Variants in PCDH9 observed in about 807,000 individuals in gnomAD.
PCDH9 encodes the protein protocadherin-9.
PCDH9 carries 24 observed loss-of-function variants against 70.6 expected under a neutral mutation model. The ratio of observed to expected loss-of-function variants is 0.34; its 90% CI spans 0.25 to 0.48. The LOEUF (loss-of-function observed/expected upper bound fraction) is 0.48, where lower values mean the gene tolerates loss of function less well. Ranked by LOEUF, PCDH9 falls within the 20% of genes least tolerant of loss-of-function variation. PCDH9 has a pLI of 0.99. For missense variants in PCDH9, 1,281 were observed against 1,503.6 expected (o/e 0.85, Z 2.45); for synonymous variants, 562 against 558.5 (o/e 1.01, Z -0.09).
chr13:67,034,695 G>C (rs1463282587), intron 2 of PCDH9, among the ~76,000 whole-genome samples: 1 of 144,462 alleles, frequency 6.9e-6, no homozygotes, highest in African/African-American at 2.6e-5. Context: ...TTAACTTTTA[G>C]TTCCAGGGGT....
intron 3 of PCDH9, among the ~76,000 whole-genome samples, chr13:66,791,673 T>G (rs1199549467): frequency 1.3e-5 from 2 of 152,180 alleles, no homozygotes; most frequent in Non-Finnish European, 2.9e-5. Flanking sequence ...TGCTTATGTA[T>G]GTATTATGTA....
At chr13:66,335,338 GCT>G in intron 4 of PCDH9, among the ~76,000 whole-genome samples, 1 of 152,094 alleles carries the variant, frequency 6.6e-6, no homozygotes, top group Non-Finnish European at 1.5e-5. Flanking sequence ...AATCGAGCTT[GCT>G]CTGACATTTT....
intron 4 of PCDH9, among the ~76,000 whole-genome samples, chr13:66,618,998 T>C (rs536950752): frequency 7.9e-5 from 12 of 152,306 alleles, no homozygotes; most frequent in Non-Finnish European, 1.5e-4. Flanking sequence ...CATGATAAAA[T>C]ATTACTAACT....
intron 2 of PCDH9, among the ~76,000 whole-genome samples, chr13:67,013,780 T>C (rs1226791884): frequency 6.6e-6 from 1 of 151,938 alleles, no homozygotes; most frequent in African/African-American, 2.4e-5. Context: ...AAAACAATTC[T>C]ATATTTGAGA....
At chr13:67,060,956 C>G (rs1483355034) in intron 2 of PCDH9, among the ~76,000 whole-genome samples, 1 of 151,974 alleles carries the variant, frequency 6.6e-6, no homozygotes, top group Non-Finnish European at 1.5e-5. Flanking sequence ...CAAATAAATT[C>G]TGGTTTGTCC....
At chr13:67,155,238 A>T (rs2087780991) in intron 2 of PCDH9, among the ~76,000 whole-genome samples, 1 of 152,248 alleles carries the variant, frequency 6.6e-6, no homozygotes, top group Non-Finnish European at 1.5e-5. Context: ...TTATTCCAGT[A>T]TCATTTCCAA....
Position 66,302,949 on chromosome 13 carries a change from C to A in PCDH9, c.*1706G>T, listed in dbSNP as rs1955392064. The A allele has an allele frequency of 6.6e-6, 1 of 152,320 alleles. No homozygotes were observed. Among genetic ancestry groups the A allele is most frequent in the South Asian group, 2.1e-4 (1 of 4,804 alleles). The allele number at this position is 152,320 out of a possible 1,614,324, so 9.4% of individuals were successfully genotyped here. A position where few individuals can be genotyped will look rare whatever the true frequency, so the allele number is the denominator to read the frequency against. ...TTATTCTGTCAAAGTCATCAAACAC[C>A]CCTCACAAACCGACAAAAATGTACT... On this transcript the variant is annotated 3_prime_UTR_variant, in exon 5 of 5. Transcript: ENST00000377865.
At chr13:66,472,126 C>A (rs565915786) in intron 4 of PCDH9, among the ~76,000 whole-genome samples, 1 of 149,594 alleles carries the variant, frequency 6.7e-6, no homozygotes, top group Non-Finnish European at 1.5e-5. Context: ...GCAAAAGAAT[C>A]GCTTGAACCT....
chr13:66,682,122 A>T (rs2078330828), intron 3 of PCDH9, among the ~76,000 whole-genome samples: 1 of 151,734 alleles, frequency 6.6e-6, no homozygotes, highest in African/African-American at 2.4e-5. Context: ...TGTTCCACAG[A>T]TTCATTTTTC....
chr13:67,078,946 A>C (rs975126574), intron 2 of PCDH9, among the ~76,000 whole-genome samples: 7 of 152,176 alleles, frequency 4.6e-5, no homozygotes, highest in African/African-American at 1.7e-4. Context: ...CCTAGTCTAC[A>C]AATCAGAAAC....
intron 4 of PCDH9, among the ~76,000 whole-genome samples, chr13:66,431,578 G>A (rs1297698255): frequency 1.3e-5 from 2 of 151,914 alleles, no homozygotes; most frequent in Non-Finnish European, 2.9e-5. Flanking sequence ...CATTTTTAAG[G>A]ATTTTACAAT....
chr13:66,490,326 T>C (rs977296157), intron 4 of PCDH9, among the ~76,000 whole-genome samples: 32 of 152,212 alleles, frequency 2.1e-4, no homozygotes, highest in African/African-American at 7.7e-4. Context: ...CCATTAATGC[T>C]TTCTCTGTAG....
intron 4 of PCDH9, among the ~76,000 whole-genome samples, chr13:66,603,557 T>C (rs1210095160): frequency 1.3e-5 from 2 of 152,034 alleles, no homozygotes; most frequent in Admixed American, 6.6e-5. Context: ...AAGTTATACA[T>C]TGACATTCAT....
intron 4 of PCDH9, among the ~76,000 whole-genome samples, chr13:66,428,392 G>A (rs945822009): frequency 6.6e-6 from 1 of 151,628 alleles, no homozygotes; most frequent in African/African-American, 2.4e-5. Context: ...CTATCCACTT[G>A]ATTTATAGCC....
At chr13:66,970,036 T>C (rs951591337) in intron 2 of PCDH9, among the ~76,000 whole-genome samples, 2 of 151,996 alleles carry the variant, frequency 1.3e-5, no homozygotes, top group Non-Finnish European at 2.9e-5. Context: ...TTAATGCAAT[T>C]ATAAATACAC....
chr13:67,048,899 T>G (rs2085272134), intron 2 of PCDH9, among the ~76,000 whole-genome samples: 1 of 152,136 alleles, frequency 6.6e-6, no homozygotes, highest in African/African-American at 2.4e-5. Flanking sequence ...CCAGGACAGC[T>G]TGAGTTAAAA....
At chr13:66,987,621 C>T (rs774363663) in intron 2 of PCDH9, among the ~76,000 whole-genome samples, 1 of 151,918 alleles carries the variant, frequency 6.6e-6, no homozygotes, top group Non-Finnish European at 1.5e-5. Context: ...GTTAGGTAGA[C>T]TCTATATTAT....
chr13:66,986,603 C>T (rs2083896594), intron 2 of PCDH9, among the ~76,000 whole-genome samples: 2 of 151,654 alleles, frequency 1.3e-5, no homozygotes, highest in South Asian at 4.2e-4. Context: ...ATAGATATAG[C>T]TACTTGTTTT....
chr13:66,797,494 TATA>T (rs1191336770), intron 3 of PCDH9, among the ~76,000 whole-genome samples: 1 of 152,182 alleles, frequency 6.6e-6, no homozygotes, highest in Non-Finnish European at 1.5e-5. Context: ...GTCCTAACCC[TATA>T]ATAACAAACT....
Sources: gnomAD v4.1 joint callset for allele counts (sites outside exome capture counted in the v4.1 genomes callset) on GRCh38, gnomAD v4.1.1 for gene constraint, MANE v1.5 for transcripts, NCBI Gene and HGNC (gene_info 2026-07-23, HGNC 2026-07-21) for gene names.